SERINC5: variants seen among roughly 807,000 people sequenced by gnomAD.
SERINC5 encodes the protein serine incorporator 5.
In SERINC5, 41 loss-of-function variants were observed where a neutral mutation model predicts 63.1. That is an observed-to-expected ratio of 0.65 (90% CI 0.51 to 0.84). The LOEUF (loss-of-function observed/expected upper bound fraction) is 0.84, where lower values mean the gene tolerates loss of function less well. Among genes scored for constraint, SERINC5 ranks in the 40% least tolerant of loss-of-function variants. The pLI, the probability that SERINC5 is intolerant of heterozygous loss-of-function variation, is 0.00. For synonymous variants in SERINC5, 222 were observed against 215.2 expected, an observed-to-expected ratio of 1.03 and a Z score of -0.28; for missense variants, 523 against 573.0, an observed-to-expected ratio of 0.91 and a Z score of 0.89.
chr5:80,140,812 T>G lies in SERINC5; in HGVS notation c.*2851A>C, dbSNP rs1357635527. The G allele has an allele frequency of 3.0e-6, 3 of 985,156 alleles. No homozygotes were observed. In the African/African-American group the frequency reaches 5.2e-5, roughly 17 times the overall value. The allele number at this position is 985,156 out of a possible 1,614,324, so 61.0% of individuals were successfully genotyped here. On this transcript the variant is annotated 3_prime_UTR_variant, in exon 12 of 12. Transcript: ENST00000507668. ...TCAGACAAATCACACAGAGGAAATA[T>G]TCACATGCAGCTTTAAAAAAGTCCT...
At chr5:80,206,742 C>A (rs1750183106) in intron 1 of SERINC5, among the ~76,000 whole-genome samples, 1 of 151,402 alleles carries the variant, frequency 6.6e-6, no homozygotes, top group South Asian at 2.1e-4. Flanking sequence ...CCCCTCCCCA[C>A]TGCTTTAGCT....
chr5:80,174,407 G>T (rs55701904), intron 5 of SERINC5, among the ~76,000 whole-genome samples: 17,464 of 84,698 alleles, frequency 0.21, 1,245 homozygotes, highest in South Asian at 0.34. Flanking sequence ...AATAATAAAA[G>T]AAAAAGAAAA....
intron 5 of SERINC5, among the ~76,000 whole-genome samples, chr5:80,171,910 A>G (rs1219364731): frequency 2.0e-5 from 3 of 152,098 alleles, no homozygotes; most frequent in African/African-American, 7.2e-5. Context: ...AAAGAAAGGA[A>G]AGAAAGAAAA....
chr5:80,177,606 C>T (rs1038560883), intron 3 of SERINC5, among the ~76,000 whole-genome samples: 5 of 152,160 alleles, frequency 3.3e-5, no homozygotes, highest in African/African-American at 1.2e-4. Context: ...TGCAAAACAC[C>T]ATTTCATTGC....
At chr5:80,201,786 A>G (rs952949480) in intron 2 of SERINC5, among the ~76,000 whole-genome samples, 2 of 152,178 alleles carry the variant, frequency 1.3e-5, no homozygotes, top group African/African-American at 4.8e-5. Flanking sequence ...ACGGCCAAAA[A>G]TCCACCCCTC....
rs1748097938 is a variant in SERINC5 at position 80,177,306 on chromosome 5, C to T, written c.457+9G>A. 1 of 1,601,144 alleles carries T rather than the reference C, an allele frequency of 6.2e-7. No homozygotes were observed. Among genetic ancestry groups the T allele is most frequent in the Non-Finnish European group, 8.6e-7 (1 of 1,168,494 alleles). The stretch of plus-strand genomic sequence containing the variant: ...AAATAAACAGATACCCAAAATACCC[C>T]ATTAGTACCGTTCAGAAAGGTGTCC... On this transcript the variant is annotated intron_variant, in intron 4 of 11. Transcript: ENST00000507668.
At chr5:80,123,356 C>T (rs1193673624) in intron 11 of SERINC5, among the ~76,000 whole-genome samples, 1 of 152,202 alleles carries the variant, frequency 6.6e-6, no homozygotes, top group East Asian at 1.9e-4. Context: ...ATCCTTCTAT[C>T]TCAGCTGGGA....
chr5:80,171,272 G>C (rs1046253250), intron 5 of SERINC5, among the ~76,000 whole-genome samples: 1 of 152,036 alleles, frequency 6.6e-6, no homozygotes, highest in Non-Finnish European at 1.5e-5. Context: ...CTCCCAAAGT[G>C]CTAGGATTAC....
At chr5:80,239,454 G>A (rs1027659940) in intron 1 of SERINC5, among the ~76,000 whole-genome samples, 2 of 146,908 alleles carry the variant, frequency 1.4e-5, no homozygotes, top group Admixed American at 7.0e-5. Flanking sequence ...TGGTTTGGGT[G>A]AACACTGGGA....
downstream of SERINC5, among the ~76,000 whole-genome samples, chr5:80,135,047 G>T: frequency 6.6e-6 from 1 of 152,204 alleles, no homozygotes; most frequent in Admixed American, 6.5e-5. Flanking sequence ...ATAGGCTGAG[G>T]AAACTATTTG....
chr5:80,205,737 T>G (rs59411952), intron 1 of SERINC5, among the ~76,000 whole-genome samples: 1 of 152,036 alleles, frequency 6.6e-6, no homozygotes, highest in East Asian at 1.9e-4. Flanking sequence ...TGCCACCTAC[T>G]AGCTGTGAAC....
chr5:80,164,051 T>C (rs1747111916), intron 7 of SERINC5, among the ~76,000 whole-genome samples: 1 of 152,194 alleles, frequency 6.6e-6, no homozygotes, highest in Non-Finnish European at 1.5e-5. Flanking sequence ...ATATCACTAC[T>C]CATTATTGGC....
At chr5:80,149,240 A>C (rs1746016926) in intron 9 of SERINC5, among the ~76,000 whole-genome samples, 1 of 152,200 alleles carries the variant, frequency 6.6e-6, no homozygotes, top group Non-Finnish European at 1.5e-5. Flanking sequence ...ATAACCATGC[A>C]ACCTCAGCAG....
downstream of SERINC5, among the ~76,000 whole-genome samples, chr5:80,133,730 A>C (rs1489727080): frequency 2.0e-5 from 3 of 152,208 alleles, no homozygotes; most frequent in African/African-American, 7.2e-5. Context: ...TACAATAAAG[A>C]GTTTAATCCA....
Position 80,139,611 on chromosome 5 carries a change from A to AGAGAGAGAG in SERINC5, c.*4051_*4052insCTCTCTCTC. The AGAGAGAGAG allele has an allele frequency of 1.3e-5, 13 of 984,874 alleles. No individual in the cohort carries two copies. The highest frequency in any genetic ancestry group is 8.8e-5 in the African/African-American group (5 of 57,142). The allele number at this position is 984,874 out of a possible 1,614,324, so 61.0% of individuals were successfully genotyped here. A position where few individuals can be genotyped will look rare whatever the true frequency, so the allele number is the denominator to read the frequency against. ...GAAAGAAGAAAAGAGAGAGAGAGAG[A>AGAGAGAGAG]AAGGTCTAAACATCTGTGTGAACAG... On this transcript the variant is annotated 3_prime_UTR_variant, in exon 12 of 12. Coordinates refer to ENST00000507668, the MANE Select transcript of SERINC5 (RefSeq NM_001174072.3).
At chr5:80,131,277 A>G (rs1206508002) in intron 11 of SERINC5, among the ~76,000 whole-genome samples, 1 of 151,932 alleles carries the variant, frequency 6.6e-6, no homozygotes, top group Non-Finnish European at 1.5e-5. Flanking sequence ...GACCCTACAC[A>G]CTCTCTTGCC....
At chr5:80,233,388 T>C (rs1751541459) in intron 1 of SERINC5, among the ~76,000 whole-genome samples, 1 of 151,884 alleles carries the variant, frequency 6.6e-6, no homozygotes, top group Non-Finnish European at 1.5e-5. Flanking sequence ...GATCGCACCA[T>C]TGCACTCCAG....
rs568313414 is a variant in SERINC5 at position 80,160,227 on chromosome 5, C to A, written c.860-1265G>T. ...GCTTGCTGGTGGGGAGAAATCTCCACTTATTTTAGTGTCACAGAAACCTTC... is the reference window on the plus strand; with the variant it reads ...GCTTGCTGGTGGGGAGAAATCTCCAATTATTTTAGTGTCACAGAAACCTTC... On this transcript the variant is annotated intron_variant, in intron 7 of 11. Transcript: ENST00000507668. Among the ~76,000 whole-genome samples the A allele has an allele frequency of 7.9e-5, 12 of 152,292 alleles. 1 individual carries two copies. The South Asian group carries it at 2.5e-3, about 32-fold the overall frequency.
intron 2 of SERINC5, among the ~76,000 whole-genome samples, chr5:80,183,104 T>A (rs1748558549): frequency 6.7e-6 from 1 of 148,254 alleles, no homozygotes; most frequent in Admixed American, 6.6e-5. Context: ...GGTACAGACT[T>A]GAGGCAAGGG....
Sources: gnomAD v4.1 joint callset for allele counts (sites outside exome capture counted in the v4.1 genomes callset) on GRCh38, gnomAD v4.1.1 for gene constraint, MANE v1.5 for transcripts, NCBI Gene and HGNC (gene_info 2026-07-23, HGNC 2026-07-21) for gene names.